STAB1: variants seen among roughly 807,000 people sequenced by gnomAD.
STAB1 encodes stabilin-1.
In STAB1, 250 loss-of-function variants were observed where a neutral mutation model predicts 332.4. The ratio of observed to expected loss-of-function variants is 0.75; its 90% CI spans 0.68 to 0.84. The LOEUF (loss-of-function observed/expected upper bound fraction) is 0.84. Ranked by LOEUF, STAB1 falls within the 40% of genes least tolerant of loss-of-function variation. The pLI is 0.00. For synonymous variants in STAB1, 1,475 were observed against 1,390.4 expected (o/e 1.06, Z -1.35); for missense variants, 3,249 against 3,489.7 (o/e 0.93, Z 1.74).
At position 52,503,805 on chromosome 3, in the gene STAB1, A is replaced by G. The variant is rs746331280; in HGVS notation, c.925A>G (p.Ile309Val). 1 of 1,613,188 alleles carries G rather than the reference A, an allele frequency of 6.2e-7. No individual in the cohort carries two copies. The highest frequency in any genetic ancestry group is 1.7e-5 in the Admixed American group (1 of 60,028). ...CACCTGCCGGCCAGGCCTGGTCAGC[A>G]TCAACAGCAACGCTTCTGCGGGCTG... ...FCTCRPGLVS[I>V]NSNASAGCFA... Residue 309 changes from isoleucine (I) to valine (V), a missense_variant, in exon 9 of 69, where the codon ATC (isoleucine) becomes GTC (valine). Ile to Val is a conservative substitution (Grantham distance 29, BLOSUM62 3). Transcript: ENST00000321725.
chr3:52,497,833 G>A (rs1384118848), intron 1 of STAB1, among the ~76,000 whole-genome samples: 3 of 152,190 alleles, frequency 2.0e-5, no homozygotes, highest in Non-Finnish European at 4.4e-5. Context: ...AGCTCTGAGG[G>A]GAAAGGATAT....
intron 2 of STAB1, 44 bp from the exon 3 acceptor site, chr3:52,501,594 G>A: frequency 6.6e-7 from 1 of 1,518,920 alleles, no homozygotes; most frequent in South Asian, 1.2e-5. Flanking sequence ...TGGGGGCTGT[G>A]CAAGGGAGCC....
In STAB1 at chr3:52,503,738, C is replaced by T. The variant is rs1708625721; in HGVS notation, c.892-34C>T. On this transcript the variant is annotated intron_variant, in intron 8 of 68. Transcript: ENST00000321725. ...GACACCAGTGGTTCTTGGGGTTGGA[C>T]GTGGTGTTCCCCTCCTGCCCTGTCG... The T allele has an allele frequency of 9.3e-6, 15 of 1,611,586 alleles. 1 individual carries two copies. The highest frequency in any genetic ancestry group is 2.2e-5 in the East Asian group (1 of 44,874).
At chr3:52,505,297 T>C (rs1302147200) in intron 13 of STAB1, 22 bp from the exon 14 acceptor site, 1 of 1,613,310 alleles carries the variant, frequency 6.2e-7, no homozygotes, top group South Asian at 1.1e-5. Flanking sequence ...CCTGGGGCCC[T>C]CACACTCATC....
intron 5 of STAB1, 97 bp downstream of exon 5, chr3:52,502,325 T>C: frequency 7.4e-7 from 1 of 1,347,254 alleles, no homozygotes; most frequent in Non-Finnish European, 1.0e-6. Flanking sequence ...CCCTTCAGCC[T>C]CTGTCCCAGC....
chr3:52,519,206 C>T (rs1427495525), intron 48 of STAB1, 58 bp from the exon 49 acceptor site: 19 of 1,574,650 alleles, frequency 1.2e-5, no homozygotes, highest in Non-Finnish European at 1.6e-5. Flanking sequence ...ACCTCAGGCC[C>T]CGATAGCTTC....
In STAB1 at chr3:52,522,339, C is replaced by T. The variant is rs373427616; in HGVS notation, c.6475C>T (p.Arg2159Cys). ...NCLSTGLNTRRCECHAGYVGD... is the reference protein window; with the variant it reads ...NCLSTGLNTRCCECHAGYVGD... ...CTCTCTCCAACCCCAGAACACACGG[C>T]GCTGTGAGTGCCACGCAGGCTACGT... The change falls in exon 60 of 69, where the codon CGC becomes TGC. Residue 2159 changes from arginine (R) to cysteine (C), a missense_variant. Physicochemically the swap from Arg to Cys is radical, Grantham distance 180. Coordinates refer to ENST00000321725, the MANE Select transcript of STAB1 (RefSeq NM_015136.3). 48 of 1,612,776 alleles carry T rather than the reference C, an allele frequency of 3.0e-5. No homozygotes were observed. Among genetic ancestry groups the T allele is most frequent in the Non-Finnish European group, 3.8e-5 (45 of 1,180,018 alleles).
In STAB1 at chr3:52,516,226, A is replaced by G; in HGVS notation, c.4132A>G (p.Asn1378Asp). Reference protein sequence around the residue: ...EVCELGRYGPNCTGVCDCAHG... With the variant: ...EVCELGRYGPDCTGVCDCAHG... ...GTGTGAGCTGGGCCGCTACGGGCCC[A>G]ACTGCACCGGAGGTGAGGACTGGGG... Residue 1378 changes from asparagine to aspartate, a missense_variant, in exon 38 of 69, where the codon AAC (asparagine) becomes GAC (aspartate). By Grantham distance (23) the Asn-to-Asp change is conservative. Transcript: ENST00000321725. The G allele has an allele frequency of 6.2e-7, 1 of 1,609,074 alleles. No homozygotes were observed. Among genetic ancestry groups the G allele is most frequent in the Non-Finnish European group, 8.5e-7 (1 of 1,177,176 alleles).
At position 52,510,515 on chromosome 3, in the gene STAB1, G is replaced by A; in HGVS notation, c.2787+8G>A. 6.2e-7 allele frequency: 1 copy of A among 1,611,208 alleles called. No individual in the cohort carries two copies. The highest frequency in any genetic ancestry group is 8.5e-7 in the Non-Finnish European group (1 of 1,178,642). ...TATGTGGGCCCCGGGCAGGTGAGGT[G>A]CAGCAGAGAAGGGGTGGGGGCCTTG... On this transcript the variant is annotated splice_region_variant and intron_variant, in intron 25 of 68. Transcript: ENST00000321725.
intron 25 of STAB1, 49 bp from the exon 26 acceptor site, chr3:52,511,601 G>T: frequency 6.5e-7 from 1 of 1,528,716 alleles, no homozygotes; most frequent in Non-Finnish European, 8.9e-7. Flanking sequence ...AGGAAGAAAG[G>T]GTTGGATGCT....
At chr3:52,509,537 T>C (rs551663556) in intron 22 of STAB1, 1 of 589,952 alleles carries the variant, frequency 1.7e-6, no homozygotes, top group East Asian at 2.8e-5. Context: ...TGGAGGAAGA[T>C]TTGAGAACAG....
At chr3:52,503,924 C>T (rs1228795138) in intron 9 of STAB1, 22 bp downstream of exon 9, 2 of 1,612,936 alleles carry the variant, frequency 1.2e-6, no homozygotes, top group Admixed American at 1.7e-5. Flanking sequence ...TGCCTGGGAG[C>T]AGAGACAGTG....
At position 52,522,139 on chromosome 3, in the gene STAB1, G is replaced by T; in HGVS notation, c.6374G>T (p.Gly2125Val). 1.2e-6 allele frequency: 2 copies of T among 1,612,978 alleles called. No homozygotes were observed. The highest frequency in any genetic ancestry group is 8.5e-7 in the Non-Finnish European group (1 of 1,180,010). The change falls in exon 59 of 69, where the codon GGT becomes GTT. Residue 2125 changes from glycine to valine, a missense_variant. Coordinates refer to ENST00000321725, the MANE Select transcript of STAB1 (RefSeq NM_015136.3). ...TGTACCTGCCTGCCCGACTACGAGG[G>T]TGATGGCTGGAGCTGCCGGGCCCGC... Reference protein sequence around the residue: ...VTCTCLPDYEGDGWSCRARNP... With the variant: ...VTCTCLPDYEVDGWSCRARNP...
intron 1 of STAB1, among the ~76,000 whole-genome samples, chr3:52,498,275 G>C (rs34736619): frequency 0.33 from 50,503 of 152,028 alleles, 9,525 homozygotes; most frequent in Admixed American, 0.46. Context: ...TGTGGGGTTG[G>C]GGGGGAGACA....
chr3:52,517,651 C>T, intron 44 of STAB1, 27 bp downstream of exon 44: 2 of 1,609,208 alleles, frequency 1.2e-6, no homozygotes, highest in Non-Finnish European at 1.7e-6. Context: ...TGTCCTCCTT[C>T]ACTGACGAGA....
chr3:52,513,332 A>G (rs1709434896), intron 30 of STAB1, 91 bp downstream of exon 30: 2 of 1,269,794 alleles, frequency 1.6e-6, no homozygotes, highest in South Asian at 1.5e-5. Context: ...CAGGGGCCCC[A>G]TGGGATGAGA....
intron 55 of STAB1, 38 bp from the exon 56 acceptor site, chr3:52,521,323 C>T: frequency 6.2e-7 from 1 of 1,612,208 alleles, no homozygotes; most frequent in South Asian, 1.1e-5. Flanking sequence ...CTGGTGAGAG[C>T]CCCTGGCCCC....
At chr3:52,519,604 G>A (rs550897301) in intron 50 of STAB1, 40 bp downstream of exon 50, 10 of 1,572,292 alleles carry the variant, frequency 6.4e-6, no homozygotes, top group East Asian at 2.3e-5. Context: ...GGACACACAT[G>A]CACGTGTAAG....
intron 18 of STAB1, among the ~76,000 whole-genome samples, chr3:52,507,396 G>A (rs2153233284): frequency 6.6e-6 from 1 of 152,288 alleles, no homozygotes; most frequent in Non-Finnish European, 1.5e-5. Flanking sequence ...CTCACTCTGT[G>A]CCTGCCTCTG....
Sources: gnomAD v4.1 joint callset for allele counts (sites outside exome capture counted in the v4.1 genomes callset) on GRCh38, gnomAD v4.1.1 for gene constraint, MANE v1.5 for transcripts, NCBI Gene and HGNC (gene_info 2026-07-23, HGNC 2026-07-21) for gene names.